Variants in DOCK7 observed in about 807,000 individuals in gnomAD.
DOCK7 encodes the protein dedicator of cytokinesis protein 7.
Under a neutral mutation model 271.0 loss-of-function variants are expected in DOCK7, and 138 were observed. The observed-to-expected ratio is 0.51, with a 90% confidence interval of 0.44 to 0.59. The LOEUF (loss-of-function observed/expected upper bound fraction) is 0.59, where lower values mean the gene tolerates loss of function less well. DOCK7 is among the 20% of genes least tolerant of loss of function. DOCK7 has a pLI of 0.00. For missense variants in DOCK7, 2,066 were observed against 2,592.4 expected (o/e 0.80, Z 4.41); for synonymous variants, 823 against 876.1 (o/e 0.94, Z 1.07).
At chr1:62,579,384 C>A (rs1255508025) in intron 16 of DOCK7, among the ~76,000 whole-genome samples, 1 of 152,036 alleles carries the variant, frequency 6.6e-6, no homozygotes, top group African/African-American at 2.4e-5. Flanking sequence ...TGTTTATCAT[C>A]CTTTTGTAAA....
intron 25 of DOCK7, among the ~76,000 whole-genome samples, chr1:62,540,254 G>T (rs998493634): frequency 3.3e-5 from 5 of 151,542 alleles, no homozygotes; most frequent in African/African-American, 1.2e-4. Context: ...GCTCACTGCA[G>T]CCTCCAACTC....
chr1:62,662,528 C>T (rs891740318), intron 2 of DOCK7, among the ~76,000 whole-genome samples: 1 of 151,926 alleles, frequency 6.6e-6, no homozygotes, highest in African/African-American at 2.4e-5. Flanking sequence ...TTTGGGAGGC[C>T]GAGGAAGGTG....
Position 62,455,139 on chromosome 1 carries a change from T to C in DOCK7, c.*275A>G, listed in dbSNP as rs1645310572. 1 of 538,872 alleles carries C rather than the reference T, an allele frequency of 1.9e-6. No individual in the cohort carries two copies. The allele number at this position is 538,872 out of a possible 1,614,324, so 33.4% of individuals were successfully genotyped here. ...TACGAACTTAAAGTGAATAAATTTT[T>C]AACCTTAGCTATGGTATAAATAATG... On this transcript the variant is annotated 3_prime_UTR_variant, in exon 50 of 50. Coordinates refer to ENST00000635253, the MANE Select transcript of DOCK7 (RefSeq NM_001367561.1).
At chr1:62,676,504 A>G (rs1041280360) in intron 1 of DOCK7, among the ~76,000 whole-genome samples, 5 of 152,246 alleles carry the variant, frequency 3.3e-5, no homozygotes, top group Admixed American at 6.5e-5. Flanking sequence ...ACTTAAAATG[A>G]ATGAATTTTA....
At chr1:62,562,239 T>TTTTTTTTTTC in intron 18 of DOCK7, among the ~76,000 whole-genome samples, 1 of 144,488 alleles carries the variant, frequency 6.9e-6, no homozygotes, top group South Asian at 2.2e-4. Context: ...AAAACTTTTT[T>TTTTTTTTTTC]TTTTTTTTTT....
Position 62,561,655 on chromosome 1 carries a change from TA to T in DOCK7, c.2160del (p.Phe720LeufsTer47). The T allele has an allele frequency of 6.4e-7, 1 of 1,573,422 alleles. No individual in the cohort carries two copies. The highest frequency in any genetic ancestry group is 8.6e-7 in the Non-Finnish European group (1 of 1,166,324). The part of the protein sequence containing the change: ...MKWVDNHKGV[F>X]NVEVVAVSSI... ...GACGAAACAGCAACAACTTCAACAT[TA>T]AAAACACCTTTGTGATTATCTACCC... is the stretch of plus-strand genomic sequence containing the variant. On this transcript the variant is annotated frameshift_variant, in exon 19 of 50. Coordinates refer to ENST00000635253, the MANE Select transcript of DOCK7 (RefSeq NM_001367561.1). LOFTEE classifies it high-confidence loss of function.
At chr1:62,475,380 T>C in intron 46 of DOCK7, 29 bp from the exon 47 acceptor site, 1 of 1,599,078 alleles carries the variant, frequency 6.3e-7, no homozygotes, top group Non-Finnish European at 8.5e-7. Flanking sequence ...GTTAAATCAG[T>C]GTACTGACTG....
At chr1:62,664,854 G>A (rs12024419) in intron 1 of DOCK7, among the ~76,000 whole-genome samples, 5,487 of 152,104 alleles carry the variant, frequency 0.036, 207 homozygotes, top group East Asian at 0.16. Context: ...AACAATTAGA[G>A]GTTAGAGCTG....
In DOCK7 at chr1:62,677,610, C is replaced by T. The variant is rs1000116276; in HGVS notation, c.38+10617G>A. 8.6e-5 allele frequency among the ~76,000 whole-genome samples: 13 copies of T among 151,688 alleles called. 1 individual carries two copies. Among genetic ancestry groups the T allele is most frequent in the Non-Finnish European group, 4.4e-5 (3 of 67,974 alleles). On this transcript the variant is annotated intron_variant, in intron 1 of 49. Coordinates refer to ENST00000635253, the MANE Select transcript of DOCK7 (RefSeq NM_001367561.1). ...AAAAGCAGTGATATATCCAGAGTAT[C>T]TGCCAAGGGGGTCCAAATGATGCAA... is the stretch of plus-strand genomic sequence containing the variant.
intron 1 of DOCK7, among the ~76,000 whole-genome samples, chr1:62,664,126 C>T (rs1410121770): frequency 6.6e-6 from 1 of 152,114 alleles, no homozygotes; most frequent in Non-Finnish European, 1.5e-5. Context: ...GAAGGCAAAA[C>T]TATGGAAGAC....
At chr1:62,589,193 T>C (rs1047802843) in intron 14 of DOCK7, among the ~76,000 whole-genome samples, 2 of 152,248 alleles carry the variant, frequency 1.3e-5, no homozygotes, top group East Asian at 3.8e-4. Context: ...CAGGAATAAA[T>C]GCTTGATTCT....
At chr1:62,684,931 T>C (rs1219633680) in intron 1 of DOCK7, among the ~76,000 whole-genome samples, 1 of 152,216 alleles carries the variant, frequency 6.6e-6, no homozygotes. Context: ...ACAAGATCAT[T>C]ATAATTCTTT....
intron 15 of DOCK7, chr1:62,584,585 T>C (rs1042566236): frequency 2.5e-6 from 3 of 1,203,930 alleles, no homozygotes; most frequent in South Asian, 2.9e-5. Flanking sequence ...TTTATTTTCA[T>C]AATATGACAT....
chr1:62,636,911 T>C (rs535145140), intron 7 of DOCK7, among the ~76,000 whole-genome samples: 3 of 152,318 alleles, frequency 2.0e-5, no homozygotes, highest in South Asian at 4.1e-4. Flanking sequence ...TGGTCACTTA[T>C]ATATGTAGAT....
At chr1:62,490,421 T>C (rs1482198172) in intron 41 of DOCK7, among the ~76,000 whole-genome samples, 1 of 152,034 alleles carries the variant, frequency 6.6e-6, no homozygotes, top group Non-Finnish European at 1.5e-5. Flanking sequence ...TAATAATGGA[T>C]TGGTGCTGTA....
chr1:62,563,154 T>C (rs2149447223), intron 18 of DOCK7, among the ~76,000 whole-genome samples: 1 of 152,132 alleles, frequency 6.6e-6, no homozygotes, highest in South Asian at 2.1e-4. Context: ...GAGCTTGAAA[T>C]TCCACCTTCA....
At chr1:62,506,629 C>T (rs1045911686) in intron 35 of DOCK7, among the ~76,000 whole-genome samples, 7 of 151,818 alleles carry the variant, frequency 4.6e-5, no homozygotes, top group African/African-American at 1.5e-4. Flanking sequence ...CGCCACCACA[C>T]CCAGCTAATT....
chr1:62,671,604 T>C (rs1660011947), intron 1 of DOCK7, among the ~76,000 whole-genome samples: 1 of 152,220 alleles, frequency 6.6e-6, no homozygotes, highest in South Asian at 2.1e-4. Flanking sequence ...TCATAAGTGA[T>C]GTTGGTTTCT....
chr1:62,641,657 A>T, intron 7 of DOCK7: 1 of 446,078 alleles, frequency 2.2e-6, no homozygotes, highest in Non-Finnish European at 4.6e-6. Context: ...CTGCTTGGCC[A>T]CAATGGCCGC....
Sources: gnomAD v4.1 joint callset for allele counts (sites outside exome capture counted in the v4.1 genomes callset) on GRCh38, gnomAD v4.1.1 for gene constraint, MANE v1.5 for transcripts, NCBI Gene and HGNC (gene_info 2026-07-23, HGNC 2026-07-21) for gene names.